Variants in SPATS2L observed in about 807,000 individuals in gnomAD.
The protein encoded by SPATS2L is spermatogenesis associated serine rich 2 like.
Under a neutral mutation model 59.6 loss-of-function variants are expected in SPATS2L, and 30 were observed. The ratio of observed to expected loss-of-function variants is 0.50; its 90% confidence interval spans 0.38 to 0.68. The LOEUF is 0.68. Ranked by LOEUF, SPATS2L falls within the 30% of genes least tolerant of loss-of-function variation. The pLI, the probability that SPATS2L is intolerant of heterozygous loss-of-function variation, is 0.00. For synonymous variants in SPATS2L, 252 were observed against 263.5 expected, an observed-to-expected ratio of 0.96 and a Z score of 0.42; for missense variants, 615 against 700.0, an observed-to-expected ratio of 0.88 and a Z score of 1.37.
At position 200,401,528 on chromosome 2, in the gene SPATS2L, C is replaced by T. The variant is rs149724262; in HGVS notation, c.40-10783C>T. Among the ~76,000 whole-genome samples the T allele has an allele frequency of 7.9e-3, 1,208 of 152,182 alleles. 12 individuals are homozygous for T. Among genetic ancestry groups the T allele is most frequent in the African/African-American group, 0.027 (1,128 of 41,522 alleles). ...CATAAATAATGGAAAGGGGTGGGTG[C>T]GTAGTGAGTACACTCAGGTAAATGA... is the stretch of plus-strand genomic sequence containing the variant. On this transcript the variant is annotated intron_variant, in intron 3 of 12. Coordinates refer to ENST00000409140, the MANE Select transcript of SPATS2L (RefSeq NM_001100423.2).
intron 2 of SPATS2L, among the ~76,000 whole-genome samples, chr2:200,365,535 G>A (rs35058285): frequency 0.25 from 37,442 of 152,200 alleles, 5,793 homozygotes; most frequent in South Asian, 0.36. Flanking sequence ...AGACTCTACC[G>A]TGATATACTC....
intron 10 of SPATS2L, 96 bp downstream of exon 10, chr2:200,467,495 T>G (rs1361453941): frequency 2.5e-6 from 2 of 808,250 alleles, no homozygotes; most frequent in African/African-American, 1.7e-5. Context: ...TCTGAGGATC[T>G]AACATGTACA....
chr2:200,371,742 T>G (rs1367008742), intron 2 of SPATS2L, among the ~76,000 whole-genome samples: 2 of 152,198 alleles, frequency 1.3e-5, no homozygotes, highest in African/African-American at 4.8e-5. Flanking sequence ...GAGTAAACAG[T>G]TACTGGATGT....
Position 200,419,338 on chromosome 2 carries a change from TGCAGCCGCA to T in SPATS2L, c.290_298del (p.Gln97_Gln99del), listed in dbSNP as rs779806181. 3 of 1,610,474 alleles carry T rather than the reference TGCAGCCGCA, an allele frequency of 1.9e-6. No individual in the cohort carries two copies. In the South Asian group the frequency reaches 3.3e-5, roughly 18 times the overall value. On this transcript the variant is annotated inframe_deletion, in exon 6 of 13. Coordinates refer to ENST00000409140, the MANE Select transcript of SPATS2L (RefSeq NM_001100423.2). ...GTGGAGAGGCCTGAGGCAGGGCCCC[TGCAGCCGCA>T]GCCACCACAGATTCAAAACGGCCCC...
chr2:200,419,323 C>G lies in SPATS2L; in HGVS notation c.272C>G (p.Pro91Arg), dbSNP rs368695881. The G allele has an allele frequency of 1.9e-5, 31 of 1,608,614 alleles. No homozygotes were observed. The highest frequency in any genetic ancestry group is 2.6e-5 in the Non-Finnish European group (31 of 1,177,466). ...NKDAKDKVERPEAGPLQPQPP... is the reference protein window; with the variant it reads ...NKDAKDKVERREAGPLQPQPP... ...GATGCTAAAGACAAGGTGGAGAGGC[C>G]TGAGGCAGGGCCCCTGCAGCCGCAG... Residue 91 changes from proline to arginine, a missense_variant, in exon 6 of 13, where the codon CCT becomes CGT. Physicochemically the swap from Pro to Arg is moderately radical, Grantham distance 103. Transcript: ENST00000409140.
chr2:200,436,273 C>T (rs906524538), intron 6 of SPATS2L, among the ~76,000 whole-genome samples: 1 of 152,122 alleles, frequency 6.6e-6, no homozygotes, highest in African/African-American at 2.4e-5. Flanking sequence ...CTGCAAGAGT[C>T]CCAGAGTTTT....
chr2:200,428,575 G>A (rs1374752112), intron 6 of SPATS2L, among the ~76,000 whole-genome samples: 1 of 152,146 alleles, frequency 6.6e-6, no homozygotes, highest in Non-Finnish European at 1.5e-5. Flanking sequence ...AATTATGTAA[G>A]ATGACTCACA....
chr2:200,328,169 G>A (rs999099819), intron 1 of SPATS2L, among the ~76,000 whole-genome samples: 1 of 152,156 alleles, frequency 6.6e-6, no homozygotes, highest in African/African-American at 2.4e-5. Flanking sequence ...GACTGGTACA[G>A]ATTGGGACAG....
At chr2:200,455,450 T>C (rs1017898609) in intron 8 of SPATS2L, among the ~76,000 whole-genome samples, 4 of 152,150 alleles carry the variant, frequency 2.6e-5, no homozygotes, top group African/African-American at 9.7e-5. Context: ...CCTCCTGGGA[T>C]GTCAGGAAGC....
At chr2:200,315,153 T>C (rs1363649009) in intron 1 of SPATS2L, among the ~76,000 whole-genome samples, 1 of 152,222 alleles carries the variant, frequency 6.6e-6, no homozygotes, top group East Asian at 1.9e-4. Flanking sequence ...GCTTTTTGAA[T>C]GATTAAGTCA....
At chr2:200,475,103 T>TG (rs2106250976) in intron 12 of SPATS2L, among the ~76,000 whole-genome samples, 1 of 151,936 alleles carries the variant, frequency 6.6e-6, no homozygotes, top group Admixed American at 6.5e-5. Context: ...GCTGGAAGGG[T>TG]GGGAGTGGAG....
chr2:200,475,126 T>C (rs984479601), intron 12 of SPATS2L, among the ~76,000 whole-genome samples: 11 of 152,134 alleles, frequency 7.2e-5, no homozygotes, highest in Non-Finnish European at 8.8e-5. Context: ...GATGCTTAGG[T>C]GTGCAGGCTG....
At position 200,478,897 on chromosome 2, in the gene SPATS2L, T is replaced by C. The variant is rs80173641; in HGVS notation, c.*866T>C. 2 of 152,254 alleles carry C rather than the reference T, an allele frequency of 1.3e-5. No homozygotes were observed. The highest frequency in any genetic ancestry group is 6.6e-5 in the Admixed American group (1 of 15,266). 9.4% of individuals were successfully genotyped at this position (152,254 alleles called of 1,614,324 possible). A position where few individuals can be genotyped will look rare whatever the true frequency, so the allele number is the denominator to read the frequency against. On this transcript the variant is annotated 3_prime_UTR_variant, in exon 13 of 13. Coordinates refer to ENST00000409140, the MANE Select transcript of SPATS2L (RefSeq NM_001100423.2). ...AGGATTTCAGCTCCCATCTCTTTTTTTTTTTTCTTTTTTCTTTTTCTTTTT... is the reference window on the plus strand; with the variant it reads ...AGGATTTCAGCTCCCATCTCTTTTTCTTTTTTCTTTTTTCTTTTTCTTTTT...
intron 10 of SPATS2L, 110 bp from the exon 11 acceptor site, chr2:200,469,804 C>T: frequency 1.3e-6 from 1 of 775,758 alleles, no homozygotes; most frequent in Non-Finnish European, 2.1e-6. Flanking sequence ...AAGATCCCCA[C>T]CAGGTCAGCA....
intron 6 of SPATS2L, among the ~76,000 whole-genome samples, chr2:200,429,400 C>G (rs1574495643): frequency 1.3e-5 from 2 of 152,180 alleles, no homozygotes; most frequent in African/African-American, 4.8e-5. Context: ...GGGAGGCCCC[C>G]AAGCCAAGAC....
intron 2 of SPATS2L, among the ~76,000 whole-genome samples, chr2:200,359,451 A>G (rs1266979845): frequency 6.6e-6 from 1 of 152,216 alleles, no homozygotes; most frequent in African/African-American, 2.4e-5. Context: ...TCCATATTTC[A>G]TTCTACAGCA....
intron 3 of SPATS2L, among the ~76,000 whole-genome samples, chr2:200,394,654 G>A (rs781317518): frequency 3.3e-5 from 5 of 152,150 alleles, no homozygotes; most frequent in Non-Finnish European, 5.9e-5. Context: ...TCCCATTTAC[G>A]ATGTTTTGCA....
intron 3 of SPATS2L, among the ~76,000 whole-genome samples, chr2:200,396,905 A>G (rs1483569529): frequency 6.6e-6 from 1 of 152,218 alleles, no homozygotes; most frequent in Non-Finnish European, 1.5e-5. Context: ...TTTCCCATTA[A>G]CAGAAAGGAG....
At chr2:200,309,764 C>T (rs1446754257) in intron 1 of SPATS2L, among the ~76,000 whole-genome samples, 3 of 152,020 alleles carry the variant, frequency 2.0e-5, no homozygotes, top group Non-Finnish European at 2.9e-5. Flanking sequence ...AAAAACAAAC[C>T]TTTCTTTTTT....
Sources: gnomAD v4.1 joint callset for allele counts (sites outside exome capture counted in the v4.1 genomes callset) on GRCh38, gnomAD v4.1.1 for gene constraint, MANE v1.5 for transcripts, NCBI Gene and HGNC (gene_info 2026-07-23, HGNC 2026-07-21) for gene names.